IGSF10: variants seen among roughly 807,000 people sequenced by gnomAD.
IGSF10 encodes the protein calvaria mechanical force protein 608.
In IGSF10, 126 loss-of-function variants were observed where a neutral mutation model predicts 128.2. The observed-to-expected ratio is 0.98, with a 90% CI of 0.85 to 1.14. The LOEUF is 1.14. Among genes scored for constraint, IGSF10 ranks in the 50% most tolerant of loss-of-function variants. The pLI, the probability that IGSF10 is intolerant of heterozygous loss-of-function variation, is 0.00. For missense variants in IGSF10, 3,295 were observed against 3,149.8 expected (o/e 1.05, Z -1.10); for synonymous variants, 1,185 against 1,146.2 (o/e 1.03, Z -0.68).
At chr3:151,435,392 C>CTT (rs1720033735), downstream of IGSF10, 1 of 144,230 alleles carries the variant, frequency 6.9e-6, no homozygotes, top group South Asian at 2.3e-4. Context: ...CAATGCGTAG[C>CTT]TTTGACCACT....
At chr3:151,551,916 G>C in the IGSF10 span, among the ~76,000 whole-genome samples, 46 of 152,164 alleles carry the variant, frequency 3.0e-4, no homozygotes, top group East Asian at 8.3e-3. Flanking sequence ...TGATCATTTT[G>C]AACAGGACAA....
the IGSF10 span, among the ~76,000 whole-genome samples, chr3:151,544,848 T>C: frequency 1.3e-5 from 2 of 152,104 alleles, no homozygotes; most frequent in African/African-American, 2.4e-5. Context: ...TGATGATTCT[T>C]CTCTCCTTTG....
the IGSF10 span, among the ~76,000 whole-genome samples, chr3:151,594,168 C>A: frequency 1.3e-5 from 2 of 152,066 alleles, no homozygotes; most frequent in South Asian, 4.1e-4. Flanking sequence ...CTTTGGAAGC[C>A]TTGTCCTGGA....
At chr3:151,529,573 G>A in the IGSF10 span, among the ~76,000 whole-genome samples, 2 of 152,176 alleles carry the variant, frequency 1.3e-5, no homozygotes, top group Non-Finnish European at 2.9e-5. Context: ...ACAGGGTCTG[G>A]AGTGGACCTC....
chr3:151,579,875 A>AAAGGAAGAAAGGAAGGAAGG, the IGSF10 span, among the ~76,000 whole-genome samples: 19,236 of 121,242 alleles, frequency 0.16, 1,682 homozygotes, highest in Non-Finnish European at 0.18. Context: ...GGGAGGAAGG[A>AAAGGAAGAAAGGAAGGAAGG]AAGGAAGGAA....
At chr3:151,585,605 G>T in the IGSF10 span, among the ~76,000 whole-genome samples, 1 of 151,794 alleles carries the variant, frequency 6.6e-6, no homozygotes, top group Non-Finnish European at 1.5e-5. Flanking sequence ...TATTCTTTCT[G>T]GGATTATTCT....
At chr3:151,457,232 C>T in intron 3 of IGSF10, 77 bp from the exon 4 acceptor site, 2 of 1,326,748 alleles carry the variant, frequency 1.5e-6, no homozygotes, top group Non-Finnish European at 2.1e-6. Flanking sequence ...AAAATAAACA[C>T]AAGAAAACTC....
rs1377346926 is a variant in IGSF10 at position 151,447,216 on chromosome 3, A to T, written c.2765T>A (p.Ile922Lys). The change falls in exon 6 of 8, where the codon ATA (isoleucine) becomes AAA (lysine). Residue 922 changes from isoleucine (I) to lysine (K), a missense_variant. Coordinates refer to ENST00000282466, the MANE Select transcript of IGSF10 (RefSeq NM_178822.5). ...ATCTTTGATCATAGTCCTTACTGTTATTGGGGGTCTACTTTGGAAATGCTC... is the reference window on the plus strand; with the variant it reads ...ATCTTTGATCATAGTCCTTACTGTTTTTGGGGGTCTACTTTGGAAATGCTC... ...GREHFQSRPP[I>K]TVRTMIKDVN... is the part of the protein sequence containing the mutation. 1.2e-6 allele frequency: 2 copies of T among 1,614,128 alleles called. No homozygotes were observed. Among genetic ancestry groups the T allele is most frequent in the South Asian group, 1.1e-5 (1 of 91,082 alleles).
chr3:151,600,784 C>T, the IGSF10 span, among the ~76,000 whole-genome samples: 1 of 152,060 alleles, frequency 6.6e-6, no homozygotes, highest in Admixed American at 6.5e-5. Flanking sequence ...ACTTTCAAAT[C>T]TTTGCAAGAC....
chr3:151,475,522 C>A, the IGSF10 span, among the ~76,000 whole-genome samples: 3 of 152,276 alleles, frequency 2.0e-5, no homozygotes, highest in East Asian at 5.8e-4. Context: ...TTTGGCCTAT[C>A]CTAGCAGTTA....
At chr3:151,515,118 A>G in the IGSF10 span, among the ~76,000 whole-genome samples, 48 of 152,120 alleles carry the variant, frequency 3.2e-4, no homozygotes, top group African/African-American at 9.4e-4. Flanking sequence ...CCATTACTGG[A>G]TATATACCCA....
At chr3:151,504,815 A>G in the IGSF10 span, among the ~76,000 whole-genome samples, 1 of 152,248 alleles carries the variant, frequency 6.6e-6, no homozygotes, top group Non-Finnish European at 1.5e-5. Flanking sequence ...CTGAGCTATA[A>G]TCAATGCAGC....
chr3:151,501,328 G>T, the IGSF10 span, among the ~76,000 whole-genome samples: 1 of 151,986 alleles, frequency 6.6e-6, no homozygotes, highest in African/African-American at 2.4e-5. Flanking sequence ...AGTTTCTACT[G>T]CTCTTGTCAA....
chr3:151,501,382 A>C, the IGSF10 span, among the ~76,000 whole-genome samples: 1 of 151,972 alleles, frequency 6.6e-6, no homozygotes, highest in Non-Finnish European at 1.5e-5. Flanking sequence ...AGGGATCATC[A>C]TAACATTTAA....
At chr3:151,609,673 A>G in the IGSF10 span, among the ~76,000 whole-genome samples, 2 of 152,192 alleles carry the variant, frequency 1.3e-5, no homozygotes, top group African/African-American at 4.8e-5. Context: ...AGAGACTGAA[A>G]TCATGTTCTT....
chr3:151,566,574 C>T, the IGSF10 span, among the ~76,000 whole-genome samples: 1 of 152,104 alleles, frequency 6.6e-6, no homozygotes, highest in African/African-American at 2.4e-5. Context: ...ACAAAGAGAG[C>T]TCAGAGGAAA....
rs748558964 is a variant in IGSF10, at chr3:151,446,985, T to C, written c.2996A>G (p.Asn999Ser). ...GAACAGCGGGATGTTAACTGTACTA[T>C]TTCTAGGGATCGGAAACTGAGAATG... ...AAHSQFPIPR[N>S]STVNIPLFRR... is the part of the protein sequence containing the mutation. Residue 999 changes from asparagine to serine, a missense_variant, in exon 6 of 8, where the codon AAT becomes AGT. Transcript: ENST00000282466. 1.2e-6 allele frequency: 2 copies of C among 1,614,196 alleles called. No individual in the cohort carries two copies. Among genetic ancestry groups the C allele is most frequent in the Non-Finnish European group, 1.7e-6 (2 of 1,180,028 alleles).
chr3:151,606,306 A>G, the IGSF10 span, among the ~76,000 whole-genome samples: 1 of 152,228 alleles, frequency 6.6e-6, no homozygotes, highest in African/African-American at 2.4e-5. Context: ...TAATGAAGCT[A>G]TTAATCTCAT....
chr3:151,528,542 G>A, the IGSF10 span, among the ~76,000 whole-genome samples: 1 of 152,198 alleles, frequency 6.6e-6, no homozygotes, highest in Non-Finnish European at 1.5e-5. Context: ...AGTGGGTGCA[G>A]CCCATGGAGG....
Sources: allele counts gnomAD v4.1 joint callset (sites outside exome capture counted in the v4.1 genomes callset), GRCh38; gene constraint gnomAD v4.1.1; transcripts MANE v1.5; gene names NCBI Gene and HGNC (gene_info 2026-07-23, HGNC 2026-07-21).